CSNK1G1: variants seen among roughly 807,000 people sequenced by gnomAD.
CSNK1G1 encodes the protein casein kinase I isoform gamma-1.
CSNK1G1 carries 22 observed loss-of-function variants against 59.6 expected under a neutral mutation model. The observed-to-expected ratio is 0.37, with a 90% CI of 0.26 to 0.53. The LOEUF (loss-of-function observed/expected upper bound fraction) is 0.53, where lower values mean the gene tolerates loss of function less well. Ranked by LOEUF, CSNK1G1 falls within the 20% of genes least tolerant of loss-of-function variation. CSNK1G1 has a pLI of 0.89. For missense variants in CSNK1G1, 384 were observed against 519.5 expected (o/e 0.74, Z 2.54); for synonymous variants, 179 against 177.1 (o/e 1.01, Z -0.08).
chr15:64,333,865 T>C (rs1410241939), intron 1 of CSNK1G1, among the ~76,000 whole-genome samples: 2 of 152,158 alleles, frequency 1.3e-5, no homozygotes, highest in African/African-American at 4.8e-5. Flanking sequence ...CTTAAACATA[T>C]ATGTACCTAA....
chr15:64,179,566 C>T (rs909421258), intron 11 of CSNK1G1, among the ~76,000 whole-genome samples: 2 of 152,202 alleles, frequency 1.3e-5, no homozygotes, highest in African/African-American at 4.8e-5. Context: ...GTGTCTCTAT[C>T]TCTCCCTACC....
chr15:64,253,137 G>A (rs901365885), intron 3 of CSNK1G1, among the ~76,000 whole-genome samples: 25 of 152,144 alleles, frequency 1.6e-4, no homozygotes, highest in African/African-American at 5.3e-4. Context: ...TTGAGCCCAG[G>A]GGTTCGAGAC....
chr15:64,348,651 G>C (rs1898106577), intron 1 of CSNK1G1, among the ~76,000 whole-genome samples: 1 of 152,144 alleles, frequency 6.6e-6, no homozygotes, highest in African/African-American at 2.4e-5. Context: ...ACATCAGAGA[G>C]TGACCTCTAG....
intron 3 of CSNK1G1, among the ~76,000 whole-genome samples, chr15:64,254,333 AT>A (rs1211021003): frequency 1.3e-5 from 2 of 150,876 alleles, no homozygotes; most frequent in African/African-American, 4.9e-5. Context: ...ACCAATGTAA[AT>A]GTACTTAATG....
In CSNK1G1 at chr15:64,277,892, A is replaced by AATAATATTGATATATTTAATG. The variant is rs1566930479; in HGVS notation, c.182-18652_182-18651insCATTAAATATATCAATATTAT. Among the ~76,000 whole-genome samples, 226 of 135,688 alleles carry AATAATATTGATATATTTAATG rather than the reference A, an allele frequency of 1.7e-3. 5 individuals are homozygous for AATAATATTGATATATTTAATG. The East Asian group carries it at 0.018, about 11-fold the overall frequency. The allele number at this position is 135,688 out of a possible 152,430, so 89.0% of individuals were successfully genotyped here. Reference sequence around the variant, plus strand: ...TAATAATAATATTGATATATTTAATATATTGATATTGATATATTTAATAAT... The same window carrying AATAATATTGATATATTTAATG: ...TAATAATAATATTGATATATTTAATAATAATATTGATATATTTAATGTATTGATATTGATATATTTAATAAT... On this transcript the variant is annotated intron_variant, in intron 2 of 11. Coordinates refer to ENST00000303052, the MANE Select transcript of CSNK1G1 (RefSeq NM_022048.5).
chr15:64,181,037 C>T (rs1391336857), intron 10 of CSNK1G1: 3 of 922,938 alleles, frequency 3.3e-6, no homozygotes, highest in East Asian at 6.1e-5. Flanking sequence ...CAGTGGGTAC[C>T]AGAAACTATA....
intron 1 of CSNK1G1, among the ~76,000 whole-genome samples, chr15:64,325,859 G>A (rs886098294): frequency 1.3e-5 from 2 of 152,104 alleles, no homozygotes; most frequent in African/African-American, 2.4e-5. Context: ...AGACAGAGAC[G>A]GACAGAGAGA....
At chr15:64,250,213 T>C (rs1019373807) in intron 4 of CSNK1G1, among the ~76,000 whole-genome samples, 15 of 152,184 alleles carry the variant, frequency 9.9e-5, no homozygotes, top group Non-Finnish European at 2.9e-5. Flanking sequence ...TTAAATCTTA[T>C]GCCAAAAACA....
chr15:64,238,911 T>C (rs1340124820), intron 4 of CSNK1G1, among the ~76,000 whole-genome samples: 1 of 152,078 alleles, frequency 6.6e-6, no homozygotes, highest in East Asian at 1.9e-4. Context: ...GTCTCCCCAT[T>C]GTGGGGAAAA....
In CSNK1G1 at chr15:64,217,003, T is replaced by C. The variant is rs139969552; in HGVS notation, c.293-290A>G. 4.5e-3 allele frequency among the ~76,000 whole-genome samples: 680 copies of C among 152,366 alleles called. 3 individuals carry two copies. Among genetic ancestry groups the C allele is most frequent in the Non-Finnish European group, 7.4e-3 (501 of 68,038 alleles). On this transcript the variant is annotated intron_variant, in intron 4 of 11. Coordinates refer to ENST00000303052, the MANE Select transcript of CSNK1G1 (RefSeq NM_022048.5). ...AAGATAGAGAATGGTCCCTGATCCA[T>C]TGGATCTTCCCAAAAGGATGCCTGA...
intron 1 of CSNK1G1, among the ~76,000 whole-genome samples, chr15:64,303,992 C>T (rs1297867351): frequency 6.6e-6 from 1 of 150,578 alleles, no homozygotes; most frequent in African/African-American, 2.4e-5. Flanking sequence ...TAGAACAGAA[C>T]AATCACTTTA....
chr15:64,318,025 C>G (rs1896365351), intron 1 of CSNK1G1, among the ~76,000 whole-genome samples: 1 of 152,144 alleles, frequency 6.6e-6, no homozygotes, highest in Admixed American at 6.6e-5. Context: ...ATTTTCTCAC[C>G]TAATGACTTC....
intron 2 of CSNK1G1, among the ~76,000 whole-genome samples, chr15:64,289,087 C>A (rs1010161965): frequency 6.6e-6 from 1 of 150,726 alleles, no homozygotes; most frequent in Non-Finnish European, 1.5e-5. Context: ...AGGCAAGGCA[C>A]GAGAATCACT....
chr15:64,172,076 T>A (rs949958049), intron 11 of CSNK1G1, 91 bp from the exon 12 acceptor site: 4 of 1,221,696 alleles, frequency 3.3e-6, no homozygotes, highest in Non-Finnish European at 4.8e-6. Flanking sequence ...GGGGTGGAAT[T>A]TTCCCCCTAG....
In CSNK1G1 at chr15:64,326,740, T is replaced by C. The variant is rs368194207; in HGVS notation, c.-224-26017A>G. ...ATGAGCGACGCAGAAGACGGGTGATTTCTGCATTTCCATCTGAGGTACCGG... is the reference window on the plus strand; with the variant it reads ...ATGAGCGACGCAGAAGACGGGTGATCTCTGCATTTCCATCTGAGGTACCGG... On this transcript the variant is annotated intron_variant, in intron 1 of 11. Transcript: ENST00000303052. 4.6e-5 allele frequency among the ~76,000 whole-genome samples: 7 copies of C among 151,674 alleles called. No homozygotes were observed. The East Asian group carries it at 5.8e-4, about 13-fold the overall frequency.
chr15:64,174,744 C>A (rs1372217425), intron 11 of CSNK1G1, among the ~76,000 whole-genome samples: 5 of 152,104 alleles, frequency 3.3e-5, no homozygotes, highest in African/African-American at 9.7e-5. Flanking sequence ...TGTCCTGGCC[C>A]TCTCTCTTCA....
intron 4 of CSNK1G1, among the ~76,000 whole-genome samples, chr15:64,226,878 A>G (rs185849685): frequency 6.6e-5 from 10 of 152,298 alleles, no homozygotes. Context: ...GGAAAAAATG[A>G]GGTTACCCAA....
At chr15:64,203,694 T>TAAAAAAAAAAAAA (rs531367701) in intron 9 of CSNK1G1, among the ~76,000 whole-genome samples, 6 of 56,174 alleles carry the variant, frequency 1.1e-4, no homozygotes, top group African/African-American at 4.6e-4. Flanking sequence ...TGAAACTCCG[T>TAAAAAAAAAAAAA]AAAAAAAAAA....
intron 10 of CSNK1G1, among the ~76,000 whole-genome samples, chr15:64,193,505 T>A (rs1450414753): frequency 5.2e-4 from 32 of 61,748 alleles, no homozygotes; most frequent in Non-Finnish European, 8.7e-4. Context: ...AAAAAAAAAG[T>A]ATATACTTGA....
Sources: allele counts gnomAD v4.1 joint callset (sites outside exome capture counted in the v4.1 genomes callset), GRCh38; gene constraint gnomAD v4.1.1; transcripts MANE v1.5; gene names NCBI Gene and HGNC (gene_info 2026-07-23, HGNC 2026-07-21).